The following MAPKBP1 variants were observed in gnomAD, a reference collection of about 807,000 sequenced individuals.
MAPKBP1 encodes the protein mitogen-activated protein kinase binding protein 1.
MAPKBP1 carries 71 observed loss-of-function variants against 170.5 expected under a neutral mutation model. The observed-to-expected ratio is 0.42, with a 90% CI of 0.34 to 0.51. The LOEUF (loss-of-function observed/expected upper bound fraction) is 0.51. MAPKBP1 is among the 20% of genes least tolerant of loss of function. The pLI is 0.06. For synonymous variants in MAPKBP1, 719 were observed against 757.9 expected (o/e 0.95, Z 0.84); for missense variants, 1,598 against 1,933.0 (o/e 0.83, Z 3.25).
chr15:41,811,269 G>A, intron 5 of MAPKBP1, 34 bp downstream of exon 5: 2 of 1,613,266 alleles, frequency 1.2e-6, no homozygotes, highest in Non-Finnish European at 1.7e-6. Context: ...GTACTGTAAA[G>A]AGGGCAGGTG....
intron 3 of MAPKBP1, among the ~76,000 whole-genome samples, chr15:41,807,219 C>A (rs2064713438): frequency 6.6e-6 from 1 of 152,044 alleles, no homozygotes. Context: ...CGTAGTGTTC[C>A]TACACACACA....
At position 41,792,857 on chromosome 15, in the gene MAPKBP1, C is replaced by G. The variant is rs890903480; in HGVS notation, c.115-6966C>G. On this transcript the variant is annotated intron_variant, in intron 2 of 30. Transcript: ENST00000457542. The stretch of plus-strand genomic sequence containing the variant: ...AAGCGATCCTTGAGGCCAGAACTCT[C>G]ACTTGTGGGCTTGCTTCCTCATGTG... Among the ~76,000 whole-genome samples the G allele has an allele frequency of 2.6e-5, 4 of 152,282 alleles. No homozygotes were observed. The East Asian group carries it at 7.7e-4, about 29-fold the overall frequency.
intron 2 of MAPKBP1, among the ~76,000 whole-genome samples, chr15:41,795,458 A>G (rs1293615886): frequency 1.3e-5 from 2 of 152,094 alleles, no homozygotes; most frequent in Non-Finnish European, 2.9e-5. Context: ...TCAGAGAGGT[A>G]GGTAGCCAGA....
Position 41,817,102 on chromosome 15 carries a change from C to T in MAPKBP1, c.1711+67C>T, listed in dbSNP as rs1055566735. 4.8e-5 allele frequency: 73 copies of T among 1,529,390 alleles called. No individual in the cohort carries two copies. The African/African-American group carries it at 9.0e-4, about 19-fold the overall frequency. 94.7% of individuals were successfully genotyped at this position (1,529,390 alleles called of 1,614,324 possible). ...CCTGCTGCCATCTGCCTCCCACCTC[C>T]ATGAGAAGGGTCTGCCCATTGTGGG... is the stretch of plus-strand genomic sequence containing the variant. On this transcript the variant is annotated intron_variant, in intron 14 of 30. Transcript: ENST00000457542. The surrounding 1 kb of genome is among the most constrained non-coding windows in gnomAD (Gnocchi z 4.2).
At chr15:41,796,609 C>G (rs568029607) in intron 2 of MAPKBP1, among the ~76,000 whole-genome samples, 1 of 152,152 alleles carries the variant, frequency 6.6e-6, no homozygotes, top group South Asian at 2.1e-4. Context: ...TGCTTTTCCC[C>G]CCCCTTGGAT....
chr15:41,822,343 G>A lies in MAPKBP1; in HGVS notation c.3150G>A (p.Gln1050=), dbSNP rs2065013758. The A allele has an allele frequency of 1.2e-6, 2 of 1,613,928 alleles. No homozygotes were observed. The highest frequency in any genetic ancestry group is 1.3e-5 in the African/African-American group (1 of 74,912). ...GAGGCATGGGCCCCTATGGGCTACA[G>A]GAGGGCAGCCCCCAGACTCCAGACC... The part of the protein sequence containing the change: ...EEGGMGPYGL[Q]EGSPQTPDQE... Residue 1050 remains glutamine (Q), a synonymous_variant, in exon 26 of 31, where the codon CAG becomes CAA. Coordinates refer to ENST00000457542, the MANE Select transcript of MAPKBP1 (RefSeq NM_014994.3).
chr15:41,811,376 T>A, intron 5 of MAPKBP1, 141 bp downstream of exon 5: 1 of 866,166 alleles, frequency 1.2e-6, no homozygotes, highest in Non-Finnish European at 1.9e-6. Flanking sequence ...CTTAAAATAG[T>A]GGTTCTCAAG....
chr15:41,806,258 G>A (rs1301777526), intron 3 of MAPKBP1, among the ~76,000 whole-genome samples: 1 of 152,242 alleles, frequency 6.6e-6, no homozygotes, highest in East Asian at 1.9e-4. Flanking sequence ...AGCAGTGACG[G>A]AGGTAGGGTT....
intron 3 of MAPKBP1, among the ~76,000 whole-genome samples, chr15:41,807,137 T>C (rs2064711364): frequency 6.6e-6 from 1 of 152,210 alleles, no homozygotes; most frequent in East Asian, 1.9e-4. Context: ...TCTTAGGCTA[T>C]ACTGGGGGCA....
At chr15:41,795,236 G>A (rs796116184) in intron 2 of MAPKBP1, among the ~76,000 whole-genome samples, 1 of 151,946 alleles carries the variant, frequency 6.6e-6, no homozygotes, top group Admixed American at 6.6e-5. Context: ...GATTATGGCA[G>A]TAAAGCTAGT....
intron 29 of MAPKBP1, 121 bp from the exon 30 acceptor site, chr15:41,824,363 C>G: frequency 1.1e-6 from 1 of 941,952 alleles, no homozygotes; most frequent in Non-Finnish European, 1.6e-6. Flanking sequence ...GAGGAAGGGA[C>G]TGAGGGCAAG....
intron 2 of MAPKBP1, among the ~76,000 whole-genome samples, chr15:41,778,512 T>C (rs531952966): frequency 1.7e-3 from 254 of 152,298 alleles, no homozygotes; most frequent in African/African-American, 5.9e-3. Flanking sequence ...AGATTTTTAT[T>C]AAGCTTTTTC....
At position 41,822,361 on chromosome 15, in the gene MAPKBP1, T is replaced by C; in HGVS notation, c.3168T>C (p.Thr1056=). 2.5e-6 allele frequency: 4 copies of C among 1,613,984 alleles called. No individual in the cohort carries two copies. Among genetic ancestry groups the C allele is most frequent in the Non-Finnish European group, 3.4e-6 (4 of 1,179,980 alleles). The change falls in exon 26 of 31, where the codon ACT becomes ACC. Residue 1056 remains threonine (T), a synonymous_variant. Coordinates refer to ENST00000457542, the MANE Select transcript of MAPKBP1 (RefSeq NM_014994.3). The stretch of plus-strand genomic sequence containing the variant: ...GGCTACAGGAGGGCAGCCCCCAGAC[T>C]CCAGACCAGGAGCAGTTTCTAAAAC... ...PYGLQEGSPQ[T]PDQEQFLKQH...
chr15:41,806,281 AG>A, intron 3 of MAPKBP1, among the ~76,000 whole-genome samples: 1 of 152,334 alleles, frequency 6.6e-6, no homozygotes, highest in East Asian at 1.9e-4. Flanking sequence ...AATGATAAAT[AG>A]GGCTGGAGGG....
rs1043579508 is a variant in MAPKBP1 at position 41,813,327 on chromosome 15, C to T, written c.819+226C>T. ...CTTTCCCCTGCTTTCCTCTTCCGCTCAGAACATAGACAGCTTCACAGTAAG... is the reference window on the plus strand; with the variant it reads ...CTTTCCCCTGCTTTCCTCTTCCGCTTAGAACATAGACAGCTTCACAGTAAG... On this transcript the variant is annotated intron_variant, in intron 8 of 30. Transcript: ENST00000457542. The T allele has an allele frequency of 3.3e-6, 5 of 1,528,482 alleles. No individual in the cohort carries two copies. In the African/African-American group the frequency reaches 6.9e-5, roughly 21 times the overall value. 94.7% of individuals were successfully genotyped at this position (1,528,482 alleles called of 1,614,324 possible).
chr15:41,785,367 A>G (rs1409935646), intron 2 of MAPKBP1, among the ~76,000 whole-genome samples: 4 of 152,180 alleles, frequency 2.6e-5, no homozygotes, highest in Non-Finnish European at 5.9e-5. Flanking sequence ...TTTTGATACT[A>G]ACTTGTGTGT....
chr15:41,823,869 T>A lies in MAPKBP1; in HGVS notation c.4021T>A (p.Leu1341Met), dbSNP rs891122845. The A allele has an allele frequency of 6.2e-7, 1 of 1,614,198 alleles. No homozygotes were observed. Among genetic ancestry groups the A allele is most frequent in the African/African-American group, 1.3e-5 (1 of 75,050 alleles). The change falls in exon 29 of 31, where the codon TTG (leucine) becomes ATG (methionine). Residue 1341 changes from leucine (L) to methionine (M), a missense_variant. By Grantham distance (15) the Leu-to-Met change is conservative (BLOSUM62 2). Transcript: ENST00000457542. ...AHSTTERWAC[L>M]GEGTTPKPRT... ...CAGTACAACTGAGAGATGGGCCTGT[T>A]TGGGGGAGGGCACCACTCCCAAGCC...
At chr15:41,810,783 C>A in intron 3 of MAPKBP1, 100 bp from the exon 4 acceptor site, 1 of 884,480 alleles carries the variant, frequency 1.1e-6, no homozygotes. Flanking sequence ...TCTTTCTACC[C>A]AGCTCCCTCT....
rs58804270 is a variant in MAPKBP1 at position 41,803,434 on chromosome 15, A to AAAAAAAAAAAAAAAAAAAAAAG, written c.206+3521_206+3522insAAAAAAAAAAAAAAAAAAAAGA. 9.9e-5 allele frequency among the ~76,000 whole-genome samples: 9 copies of AAAAAAAAAAAAAAAAAAAAAAG among 90,780 alleles called. 2 individuals carry two copies. The highest frequency in any genetic ancestry group is 2.2e-4 in the African/African-American group (5 of 23,104). The allele number at this position is 90,780 out of a possible 152,430, so 59.6% of individuals were successfully genotyped here. On this transcript the variant is annotated intron_variant, in intron 3 of 30. Transcript: ENST00000457542. ...ATCTCAAAAAAAAAAAAAAAAAAAA[A>AAAAAAAAAAAAAAAAAAAAAAG]AGGTTAAGCAGGCAGGGTGCAGTGG...
Sources: gnomAD v4.1 joint callset for allele counts (sites outside exome capture counted in the v4.1 genomes callset) on GRCh38, gnomAD v4.1.1 for gene constraint, Gnocchi (gnomAD v3.1) non-coding constraint, MANE v1.5 for transcripts, NCBI Gene and HGNC (gene_info 2026-07-23, HGNC 2026-07-21) for gene names.